Variants in GXYLT1 observed in about 807,000 individuals in gnomAD.
The protein encoded by GXYLT1 is glucoside xylosyltransferase 1.
A neutral mutation model predicts 54.0 loss-of-function variants in GXYLT1; 29 were observed. The observed-to-expected ratio is 0.54, with a 90% CI of 0.40 to 0.73. The LOEUF is 0.73. Ranked by LOEUF, GXYLT1 falls within the 30% of genes least tolerant of loss-of-function variation. The probability of loss-of-function intolerance (pLI) is 0.00; values close to 1 mark genes in which losing one functional copy is unlikely to be tolerated. For missense variants in GXYLT1, 490 were observed against 553.4 expected (o/e 0.89, Z 1.15); for synonymous variants, 176 against 204.1 (o/e 0.86, Z 1.17).
At chr12:42,098,784 T>TATATATAAAA (rs1017764424) in intron 5 of GXYLT1, among the ~76,000 whole-genome samples, 53 of 134,420 alleles carry the variant, frequency 3.9e-4, no homozygotes, top group African/African-American at 1.4e-3. Context: ...TATATATATA[T>TATATATAAAA]AATACATGTG....
chr12:42,125,185 A>G (rs1363329582), intron 2 of GXYLT1, among the ~76,000 whole-genome samples: 1 of 152,188 alleles, frequency 6.6e-6, no homozygotes, highest in African/African-American at 2.4e-5. Context: ...AGCAGCCAGG[A>G]GCAACAGTGT....
intron 5 of GXYLT1, among the ~76,000 whole-genome samples, chr12:42,105,479 T>C (rs900637554): frequency 6.6e-6 from 1 of 152,190 alleles, no homozygotes; most frequent in African/African-American, 2.4e-5. Context: ...CTAAGGTATA[T>C]CATAATTTAG....
intron 3 of GXYLT1, among the ~76,000 whole-genome samples, chr12:42,114,526 C>A (rs1304730754): frequency 1.3e-5 from 2 of 152,112 alleles, no homozygotes; most frequent in African/African-American, 4.8e-5. Context: ...ACTAGAAAAT[C>A]TAGAAGAAAT....
At chr12:42,137,139 C>A (rs1197305439) in intron 1 of GXYLT1, among the ~76,000 whole-genome samples, 1 of 152,108 alleles carries the variant, frequency 6.6e-6, no homozygotes, top group Non-Finnish European at 1.5e-5. Flanking sequence ...TCAGTGAAAA[C>A]TATGCAAAAC....
At position 42,144,690 on chromosome 12, in the gene GXYLT1, C is replaced by T. The variant is rs754578107; in HGVS notation, c.-44G>A. The T allele has an allele frequency of 9.2e-4, 1,252 of 1,363,990 alleles. 6 individuals carry two copies. Among genetic ancestry groups the T allele is most frequent in the Non-Finnish European group, 1.1e-3 (1,164 of 1,046,304 alleles). The allele number at this position is 1,363,990 out of a possible 1,614,324, so 84.5% of individuals were successfully genotyped here. On this transcript the variant is annotated 5_prime_UTR_variant, in exon 1 of 8. Transcript: ENST00000398675. ...CCTTCGCCGCCGCCGCCGCGCCCGC[C>T]CCGACGAACTGGAGCGGAGGGAGGG... is the stretch of plus-strand genomic sequence containing the variant.
At chr12:42,117,595 CTTAA>C (rs1272739653) in intron 3 of GXYLT1, among the ~76,000 whole-genome samples, 5 of 151,752 alleles carry the variant, frequency 3.3e-5, no homozygotes, top group African/African-American at 7.3e-5. Flanking sequence ...AATTTAAAAG[CTTAA>C]TTAAGTGGAT....
chr12:42,141,431 G>T (rs1397852351), intron 1 of GXYLT1, among the ~76,000 whole-genome samples: 2 of 151,962 alleles, frequency 1.3e-5, no homozygotes, highest in Non-Finnish European at 2.9e-5. Flanking sequence ...AGACAACTAA[G>T]AATTCTATTA....
At chr12:42,108,766 TTAGCA>T (rs1049805971) in intron 4 of GXYLT1, among the ~76,000 whole-genome samples, 11 of 152,160 alleles carry the variant, frequency 7.2e-5, no homozygotes, top group Non-Finnish European at 1.0e-4. Flanking sequence ...CTTAATCCAC[TTAGCA>T]ATAAGAAGTA....
chr12:42,097,343 A>T, intron 7 of GXYLT1, 99 bp downstream of exon 7: 2 of 842,156 alleles, frequency 2.4e-6, no homozygotes, highest in Non-Finnish European at 3.5e-6. Context: ...GATGAGGCTG[A>T]GTGTGTGTAA....
rs371558122 is a variant in GXYLT1 at position 42,141,403 on chromosome 12, T to C, written c.221+3023A>G. Among the ~76,000 whole-genome samples, 8 of 152,344 alleles carry C rather than the reference T, an allele frequency of 5.3e-5. No individual in the cohort carries two copies. In the South Asian group the frequency reaches 1.2e-3, roughly 24 times the overall value. ...TAAATATGTTTTGCTTGAGATAGTT[T>C]TACTGAATTTTCATCAAAGACAACT... On this transcript the variant is annotated intron_variant, in intron 1 of 7. Transcript: ENST00000398675.
chr12:42,127,634 T>C (rs1427235119), intron 2 of GXYLT1, among the ~76,000 whole-genome samples: 3 of 152,194 alleles, frequency 2.0e-5, no homozygotes, highest in Non-Finnish European at 4.4e-5. Context: ...GGAGGAAAGA[T>C]TATTATTACT....
chr12:42,131,733 T>C (rs1394533873), intron 1 of GXYLT1, among the ~76,000 whole-genome samples: 2 of 152,226 alleles, frequency 1.3e-5, no homozygotes, highest in African/African-American at 4.8e-5. Context: ...CATGGCTATG[T>C]ATTTTCTTAA....
intron 1 of GXYLT1, among the ~76,000 whole-genome samples, chr12:42,140,778 C>T (rs921752226): frequency 6.6e-6 from 1 of 152,164 alleles, no homozygotes. Flanking sequence ...GGTCCAGAAA[C>T]GGTATCACTG....
chr12:42,105,357 A>G (rs1290466033), intron 5 of GXYLT1, among the ~76,000 whole-genome samples: 1 of 152,186 alleles, frequency 6.6e-6, no homozygotes, highest in South Asian at 2.1e-4. Context: ...GTTCTAACTC[A>G]TTTACTCCTC....
intron 2 of GXYLT1, 93 bp downstream of exon 2, chr12:42,129,666 T>G: frequency 1.3e-6 from 1 of 754,954 alleles, no homozygotes; most frequent in Non-Finnish European, 2.2e-6. Context: ...TATAATATCA[T>G]AAGAAACATT....
At chr12:42,113,972 A>C (rs923657409) in intron 3 of GXYLT1, among the ~76,000 whole-genome samples, 1 of 152,138 alleles carries the variant, frequency 6.6e-6, no homozygotes, top group Non-Finnish European at 1.5e-5. Flanking sequence ...AGGATTAAGA[A>C]ACTCACTCAA....
At chr12:42,111,578 G>C (rs2065456293) in intron 3 of GXYLT1, among the ~76,000 whole-genome samples, 1 of 152,224 alleles carries the variant, frequency 6.6e-6, no homozygotes, top group Admixed American at 6.5e-5. Context: ...AGCCAGGCTG[G>C]AGGCGGGGCG....
intron 1 of GXYLT1, among the ~76,000 whole-genome samples, chr12:42,142,280 T>C (rs2136924618): frequency 6.6e-6 from 1 of 152,252 alleles, no homozygotes; most frequent in Non-Finnish European, 1.5e-5. Flanking sequence ...CCAAATGATT[T>C]ATACATGAAG....
chr12:42,144,298 T>A (rs1246688748), intron 1 of GXYLT1, 128 bp downstream of exon 1: 2 of 500,328 alleles, frequency 4.0e-6, no homozygotes, highest in Non-Finnish European at 6.2e-6. Context: ...GGGAAATGAG[T>A]GAGGGGTCAG....
Sources: allele counts gnomAD v4.1 joint callset (sites outside exome capture counted in the v4.1 genomes callset), GRCh38; gene constraint gnomAD v4.1.1; transcripts MANE v1.5; gene names NCBI Gene and HGNC (gene_info 2026-07-23, HGNC 2026-07-21).